Variants in CLCNKB observed in about 807,000 individuals in gnomAD.
The protein encoded by CLCNKB is chloride channel protein ClC-Kb.
Under a neutral mutation model 83.8 loss-of-function variants are expected in CLCNKB, and 74 were observed. The ratio of observed to expected loss-of-function variants is 0.88; its 90% CI spans 0.73 to 1.07. The LOEUF is 1.07. CLCNKB is among the 50% of genes least tolerant of loss of function. CLCNKB has a pLI of 0.00. For missense variants in CLCNKB, 798 were observed against 893.6 expected (o/e 0.89, Z 1.36); for synonymous variants, 358 against 356.6 (o/e 1.00, Z -0.04).
rs1471835171 is a variant in CLCNKB at position 16,049,241 on chromosome 1, G to T, written c.777G>T (p.Glu259Asp). ...MFRLLAVFNS[E>D]QETITSLYKT... Reference sequence around the variant, plus strand: ...GGCTCCTGGCGGTCTTCAACAGCGAGCAGGGTGAGCCCCCTGGGCTGCCTG... The same window carrying T: ...GGCTCCTGGCGGTCTTCAACAGCGATCAGGGTGAGCCCCCTGGGCTGCCTG... The change falls in exon 8 of 20, where the codon GAG (glutamate) becomes GAT (aspartate). Residue 259 changes from glutamate (E) to aspartate (D), a missense_variant. Coordinates refer to ENST00000375679, the MANE Select transcript of CLCNKB (RefSeq NM_000085.5). The T allele has an allele frequency of 6.2e-7, 1 of 1,613,766 alleles. No individual in the cohort carries two copies. Among genetic ancestry groups the T allele is most frequent in the African/African-American group, 1.3e-5 (1 of 75,020 alleles).
Position 16,051,564 on chromosome 1 carries a change from G to A in CLCNKB, c.1297+17G>A. 1.9e-6 allele frequency: 3 copies of A among 1,613,852 alleles called. No individual in the cohort carries two copies. The highest frequency in any genetic ancestry group is 1.3e-5 in the African/African-American group (1 of 74,964). On this transcript the variant is annotated intron_variant, in intron 13 of 19. Coordinates refer to ENST00000375679, the MANE Select transcript of CLCNKB (RefSeq NM_000085.5). ...TTGTCTATGGTGAGTCTGGGGTCCT[G>A]AGGTTCTGAGAGTTTCGGGGTTCTT...
chr1:16,050,814 G>C, intron 11 of CLCNKB, 61 bp from the exon 12 acceptor site: 1 of 1,607,498 alleles, frequency 6.2e-7, no homozygotes, highest in Non-Finnish European at 8.5e-7. Flanking sequence ...GGCGGTGCGG[G>C]GGAGGCTGGG....
chr1:16,048,766 G>C (rs543783756), intron 7 of CLCNKB, 184 bp downstream of exon 7: 1 of 1,470,128 alleles, frequency 6.8e-7, no homozygotes, highest in Non-Finnish European at 9.0e-7. Context: ...GACTTGATTG[G>C]CGGTGCTAAG....
chr1:16,048,023 C>T lies in CLCNKB; in HGVS notation c.477C>T (p.Ser159=), dbSNP rs1400748522. 2 of 1,613,952 alleles carry T rather than the reference C, an allele frequency of 1.2e-6. No homozygotes were observed. The highest frequency in any genetic ancestry group is 3.3e-5 in the Admixed American group (2 of 60,012). The change falls in exon 5 of 20, where the codon AGC becomes AGT. Residue 159 remains serine, a synonymous_variant. Coordinates refer to ENST00000375679, the MANE Select transcript of CLCNKB (RefSeq NM_000085.5). ...TCTCCTGCACCCTGGCCTGTGGCAG[C>T]ACCCTCTTCCTCGGGAAAGTGGTAT... ...VGLSCTLACG[S]TLFLGKVGPF...
intron 4 of CLCNKB, 73 bp downstream of exon 4, chr1:16,046,736 G>T: frequency 6.3e-7 from 1 of 1,580,654 alleles, no homozygotes; most frequent in South Asian, 1.1e-5. Flanking sequence ...GTCGGGAAGG[G>T]GCAGCCTCAT....
intron 17 of CLCNKB, 25 bp downstream of exon 17, chr1:16,055,548 G>A (rs2023411616): frequency 9.9e-7 from 1 of 1,007,472 alleles, no homozygotes; most frequent in Middle Eastern, 2.2e-4. Context: ...GGGGCATGGG[G>A]ATGGGGCGGG....
intron 7 of CLCNKB, chr1:16,048,794 T>C: frequency 6.9e-7 from 1 of 1,449,976 alleles, no homozygotes; most frequent in Non-Finnish European, 9.0e-7. Flanking sequence ...AGTGTAACAT[T>C]ATACAGACTT....
In CLCNKB at chr1:16,051,510, C is replaced by T. The variant is rs756896486; in HGVS notation, c.1260C>T (p.Pro420=). 6.2e-7 allele frequency: 1 copy of T among 1,614,154 alleles called. No homozygotes were observed. The highest frequency in any genetic ancestry group is 1.1e-5 in the South Asian group (1 of 91,086). The change falls in exon 13 of 20, where the codon CCC becomes CCT. Residue 420 remains proline, a synonymous_variant. Transcript: ENST00000375679. ...FWMLILATTI[P]MPAGYFMPIF... The stretch of plus-strand genomic sequence containing the variant: ...TGCTGATTCTGGCCACCACCATCCC[C>T]ATGCCTGCCGGGTACTTCATGCCCA...
At position 16,048,352 on chromosome 1, in the gene CLCNKB, G is replaced by T; in HGVS notation, c.508G>T (p.Val170Leu). 6.2e-7 allele frequency: 1 copy of T among 1,614,000 alleles called. No homozygotes were observed. The highest frequency in any genetic ancestry group is 8.5e-7 in the Non-Finnish European group (1 of 1,180,008). ...TLFLGKVGPF[V>L]HLSVMMAAYL... is the part of the protein sequence containing the mutation. Reference sequence around the variant, plus strand: ...ACCCTTCTCTCTGCAGGGCCCTTTCGTGCACCTGTCTGTGATGATGGCTGC... The same window carrying T: ...ACCCTTCTCTCTGCAGGGCCCTTTCTTGCACCTGTCTGTGATGATGGCTGC... Residue 170 changes from valine to leucine, a missense_variant, in exon 6 of 20, where the codon GTG (valine) becomes TTG (leucine). Coordinates refer to ENST00000375679, the MANE Select transcript of CLCNKB (RefSeq NM_000085.5).
In CLCNKB at chr1:16,055,530, A is replaced by G; in HGVS notation, c.1845+7A>G. On this transcript the variant is annotated splice_region_variant and intron_variant, in intron 17 of 19. Transcript: ENST00000375679. ...CTGGGCTCCTGGACACCAGGTGGGT[A>G]CTCCTGAGGGGCATGGGGATGGGGC... is the stretch of plus-strand genomic sequence containing the variant. 2 of 1,243,928 alleles carry G rather than the reference A, an allele frequency of 1.6e-6. No individual in the cohort carries two copies. The highest frequency in any genetic ancestry group is 2.4e-5 in the South Asian group (2 of 84,024). The allele number at this position is 1,243,928 out of a possible 1,614,324, so 77.1% of individuals were successfully genotyped here. A position where few individuals can be genotyped will look rare whatever the true frequency, so the allele number is the denominator to read the frequency against.
At chr1:16,053,327 C>T (rs1570342402) in intron 15 of CLCNKB, among the ~76,000 whole-genome samples, 2 of 152,240 alleles carry the variant, frequency 1.3e-5, no homozygotes, top group Non-Finnish European at 1.5e-5. Flanking sequence ...CGTGCCCAGC[C>T]GCATATACTT....
chr1:16,052,226 C>A lies in CLCNKB; in HGVS notation c.1437C>A (p.Thr479=). The stretch of plus-strand genomic sequence containing the variant: ...CTGCAGCCTTCTCAGGGGCTGTGAC[C>A]CACACCATCTCCACGGCGCTGCTGG... ...AGAAAFSGAV[T]HTISTALLAF... is the part of the protein sequence containing the mutation. The change falls in exon 15 of 20, where the codon ACC becomes ACA. Residue 479 remains threonine (T), a synonymous_variant. Transcript: ENST00000375679. The A allele has an allele frequency of 6.2e-7, 1 of 1,613,214 alleles. No homozygotes were observed. Among genetic ancestry groups the A allele is most frequent in the East Asian group, 2.2e-5 (1 of 44,888 alleles).
In CLCNKB at chr1:16,048,539, G is replaced by A. The variant is rs1169370754; in HGVS notation, c.612G>A (p.Ala204=). The change falls in exon 7 of 20, where the codon GCG becomes GCA. Residue 204 remains alanine (A), a synonymous_variant. Coordinates refer to ENST00000375679, the MANE Select transcript of CLCNKB (RefSeq NM_000085.5). ...KSKQNEMLVA[A]AAVGVATVFA... is the part of the protein sequence containing the mutation. ...AGCAAAACGAAATGCTGGTGGCAGC[G>A]GCGGCAGTGGGCGTGGCCACAGTCT... is the stretch of plus-strand genomic sequence containing the variant. 2 of 1,613,172 alleles carry A rather than the reference G, an allele frequency of 1.2e-6. No homozygotes were observed. Among genetic ancestry groups the A allele is most frequent in the Non-Finnish European group, 1.7e-6 (2 of 1,179,646 alleles).
intron 15 of CLCNKB, among the ~76,000 whole-genome samples, chr1:16,052,921 A>C (rs12015135): frequency 0.15 from 22,200 of 152,154 alleles, 2,163 homozygotes; most frequent in African/African-American, 0.26. Context: ...GGCCCCGCTG[A>C]AAACACAAGC....
At position 16,056,442 on chromosome 1, in the gene CLCNKB, G is replaced by C. The variant is rs767881428; in HGVS notation, c.1950G>C (p.Leu650=). ...SLHEAHNLFE[L]LNLHSLFVTS... ...TCCAGGCACACAACCTCTTTGAGCT[G>C]TTGAACCTTCATTCCCTCTTTGTGA... Residue 650 remains leucine (L), a synonymous_variant, in exon 19 of 20, where the codon CTG becomes CTC. Transcript: ENST00000375679. 1.9e-6 allele frequency: 3 copies of C among 1,613,972 alleles called. No homozygotes were observed. Among genetic ancestry groups the C allele is most frequent in the Admixed American group, 3.3e-5 (2 of 59,998 alleles).
At chr1:16,055,163 G>A (rs1252420750) in intron 16 of CLCNKB, among the ~76,000 whole-genome samples, 2 of 152,150 alleles carry the variant, frequency 1.3e-5, no homozygotes, top group Non-Finnish European at 2.9e-5. Context: ...GCCTTGCAAT[G>A]TGGGGGATCT....
chr1:16,056,648 T>C (rs2023451554), intron 19 of CLCNKB, 140 bp downstream of exon 19: 1 of 1,103,706 alleles, frequency 9.1e-7, no homozygotes, highest in Non-Finnish European at 1.3e-6. Context: ...TGAGTCCCTC[T>C]TCTTGGCCCA....
intron 17 of CLCNKB, 66 bp from the exon 18 acceptor site, chr1:16,055,609 G>A: frequency 6.3e-7 from 1 of 1,594,142 alleles, no homozygotes; most frequent in South Asian, 1.1e-5. Context: ...TCCTGAGGGA[G>A]AGGTGGTCAG....
intron 7 of CLCNKB, 139 bp downstream of exon 7, chr1:16,048,721 G>A: frequency 6.7e-7 from 1 of 1,485,504 alleles, no homozygotes; most frequent in Non-Finnish European, 9.0e-7. Context: ...CTTGGGCACA[G>A]CCACCGCCCC....
Sources: gnomAD v4.1 joint callset for allele counts (sites outside exome capture counted in the v4.1 genomes callset) on GRCh38, gnomAD v4.1.1 for gene constraint, MANE v1.5 for transcripts, NCBI Gene and HGNC (gene_info 2026-07-23, HGNC 2026-07-21) for gene names.